The following DENND4A variants were observed in gnomAD, a reference collection of about 807,000 sequenced individuals.
DENND4A encodes DENN domain containing 4A.
Under a neutral mutation model 199.3 loss-of-function variants are expected in DENND4A, and 70 were observed. The observed-to-expected ratio is 0.35, with a 90% CI of 0.29 to 0.43. DENND4A has a LOEUF of 0.43. DENND4A is among the 20% of genes least tolerant of loss of function. The probability of loss-of-function intolerance (pLI) is 1.00; values close to 1 mark genes in which losing one functional copy is unlikely to be tolerated. For missense variants in DENND4A, 1,723 were observed against 2,255.8 expected (o/e 0.76, Z 4.78); for synonymous variants, 686 against 766.9 (o/e 0.89, Z 1.74).
In DENND4A at chr15:65,677,302, C is replaced by T. The variant is rs189172701; in HGVS notation, c.4180-668G>A. 1.4e-3 allele frequency among the ~76,000 whole-genome samples: 210 copies of T among 152,294 alleles called. 2 individuals are homozygous for T. Among genetic ancestry groups the T allele is most frequent in the African/African-American group, 4.9e-3 (202 of 41,554 alleles). The stretch of plus-strand genomic sequence containing the variant: ...TCAGCTCACTGCAGCCTCTGCCTCC[C>T]AGGCTCAAGCAATCCTCCTTTCTCA... On this transcript the variant is annotated intron_variant, in intron 23 of 32. Coordinates refer to ENST00000443035, the MANE Select transcript of DENND4A (RefSeq NM_001320835.1).
At chr15:65,774,400 G>C (rs147165981) in intron 1 of DENND4A, among the ~76,000 whole-genome samples, 1,949 of 152,356 alleles carry the variant, frequency 0.013, 11 homozygotes, top group Non-Finnish European at 0.019. Flanking sequence ...TGAGGCAGGA[G>C]AATAGCTTGA....
intron 4 of DENND4A, among the ~76,000 whole-genome samples, chr15:65,745,770 T>C (rs756246685): frequency 3.3e-5 from 5 of 152,014 alleles, no homozygotes; most frequent in Non-Finnish European, 5.9e-5. Flanking sequence ...TATTCTATAA[T>C]GAAAAACAAG....
chr15:65,732,253 T>C (rs1177703659), intron 8 of DENND4A, among the ~76,000 whole-genome samples: 1 of 152,108 alleles, frequency 6.6e-6, no homozygotes, highest in East Asian at 1.9e-4. Context: ...TTAAACTGAA[T>C]GTGTTATGTA....
In DENND4A at chr15:65,680,482, A is replaced by G. The variant is rs375239480; in HGVS notation, c.4180-3848T>C. The stretch of plus-strand genomic sequence containing the variant: ...CTTGTTGCTGTTTATGCATACAAGA[A>G]TTACTTAGTATAAAAAATAAGACGA... On this transcript the variant is annotated intron_variant, in intron 23 of 32. Transcript: ENST00000443035. Among the ~76,000 whole-genome samples the G allele has an allele frequency of 2.6e-5, 4 of 152,346 alleles. No homozygotes were observed. The East Asian group carries it at 7.7e-4, about 29-fold the overall frequency.
chr15:65,671,698 T>C (rs1404186226), intron 25 of DENND4A, 94 bp downstream of exon 25: 1 of 925,356 alleles, frequency 1.1e-6, no homozygotes, highest in African/African-American at 1.6e-5. Context: ...CCTATGTATT[T>C]AACTTCTATT....
chr15:65,746,369 C>CTTTTTTTTTTTTTTTTT (rs573935476), intron 4 of DENND4A, among the ~76,000 whole-genome samples: 20 of 51,308 alleles, frequency 3.9e-4, no homozygotes, highest in East Asian at 4.8e-4. Flanking sequence ...ACTTTTTTCT[C>CTTTTTTTTTTTTTTTTT]TTTTTTTTTT....
At chr15:65,684,397 T>C (rs2076683492) in intron 23 of DENND4A, among the ~76,000 whole-genome samples, 1 of 152,234 alleles carries the variant, frequency 6.6e-6, no homozygotes, top group Non-Finnish European at 1.5e-5. Flanking sequence ...TTTTGGATTA[T>C]AGCCATTCCT....
At chr15:65,685,495 G>A (rs1404029928) in intron 23 of DENND4A, among the ~76,000 whole-genome samples, 1 of 152,202 alleles carries the variant, frequency 6.6e-6, no homozygotes, top group Non-Finnish European at 1.5e-5. Flanking sequence ...TATATAAGTT[G>A]AGTGTCTACA....
intron 13 of DENND4A, 88 bp downstream of exon 13, chr15:65,717,690 A>T (rs1338313803): frequency 6.8e-6 from 8 of 1,176,502 alleles, no homozygotes; most frequent in Non-Finnish European, 4.7e-6. Context: ...TATTCTCATA[A>T]ATATGAGCTA....
intron 1 of DENND4A, among the ~76,000 whole-genome samples, chr15:65,784,621 A>G (rs1299305511): frequency 2.6e-5 from 4 of 152,202 alleles, no homozygotes; most frequent in African/African-American, 9.7e-5. Context: ...TAAGGCATGT[A>G]TAGTGGGTTG....
chr15:65,779,076 A>C (rs945590592), intron 1 of DENND4A, among the ~76,000 whole-genome samples: 1 of 152,076 alleles, frequency 6.6e-6, no homozygotes, highest in Non-Finnish European at 1.5e-5. Flanking sequence ...CCAACCTGGG[A>C]AATATGGCGA....
At chr15:65,788,142 T>C (rs1252255778) in intron 1 of DENND4A, among the ~76,000 whole-genome samples, 1 of 151,912 alleles carries the variant, frequency 6.6e-6, no homozygotes, top group Non-Finnish European at 1.5e-5. Flanking sequence ...AGTGGCGCTA[T>C]CTCTGCTCAC....
At chr15:65,716,048 G>A (rs2075388488) in intron 13 of DENND4A, among the ~76,000 whole-genome samples, 1 of 151,706 alleles carries the variant, frequency 6.6e-6, no homozygotes, top group Non-Finnish European at 1.5e-5. Flanking sequence ...CTTACTTATT[G>A]AAAACAGAGA....
Position 65,782,968 on chromosome 15 carries a change from T to A in DENND4A, c.-102+9042A>T, listed in dbSNP as rs537073256. Among the ~76,000 whole-genome samples, 591 of 140,462 alleles carry A rather than the reference T, an allele frequency of 4.2e-3. 9 individuals carry two copies. The highest frequency in any genetic ancestry group is 0.014 in the African/African-American group (522 of 36,146). The allele number at this position is 140,462 out of a possible 152,430, so 92.1% of individuals were successfully genotyped here. ...GAAATACTACTGATGGAAGGGATCT[T>A]TTTTTTTTTTTTGGTCACAAAAGTC... On this transcript the variant is annotated intron_variant, in intron 1 of 32. Coordinates refer to ENST00000443035, the MANE Select transcript of DENND4A (RefSeq NM_001320835.1).
At chr15:65,686,506 T>C (rs534248823) in intron 23 of DENND4A, among the ~76,000 whole-genome samples, 7 of 152,342 alleles carry the variant, frequency 4.6e-5, no homozygotes, top group African/African-American at 1.4e-4. Flanking sequence ...GTTTTGAGGC[T>C]CTGTGATTTA....
At chr15:65,687,754 T>A (rs1245665621) in intron 23 of DENND4A, among the ~76,000 whole-genome samples, 1 of 152,018 alleles carries the variant, frequency 6.6e-6, no homozygotes, top group African/African-American at 2.4e-5. Context: ...GCTCCGTAGG[T>A]AATGAATAAT....
At chr15:65,726,342 C>T (rs924348098) in intron 11 of DENND4A, among the ~76,000 whole-genome samples, 9 of 152,004 alleles carry the variant, frequency 5.9e-5, no homozygotes, top group Admixed American at 4.6e-4. Flanking sequence ...TACACTCTTA[C>T]CACTGTTAAT....
intron 10 of DENND4A, 78 bp downstream of exon 10, chr15:65,729,456 T>C (rs958923003): frequency 1.5e-5 from 23 of 1,501,892 alleles, no homozygotes; most frequent in Admixed American, 6.8e-5. Flanking sequence ...AGTTAAGTTA[T>C]ATTAAAATGG....
chr15:65,738,991 A>T, intron 5 of DENND4A, 116 bp from the exon 6 acceptor site: 1 of 734,524 alleles, frequency 1.4e-6, no homozygotes, highest in East Asian at 2.9e-5. Flanking sequence ...AGCATTATAT[A>T]TATGTTCATC....
Sources: allele counts gnomAD v4.1 joint callset (sites outside exome capture counted in the v4.1 genomes callset), GRCh38; gene constraint gnomAD v4.1.1; transcripts MANE v1.5; gene names NCBI Gene and HGNC (gene_info 2026-07-23, HGNC 2026-07-21).